PRKACB: variants seen among roughly 807,000 people sequenced by gnomAD.
The protein encoded by PRKACB is cAMP-dependent protein kinase catalytic subunit beta.
In PRKACB, 16 loss-of-function variants were observed where a neutral mutation model predicts 51.4. That is an observed-to-expected ratio of 0.31 (90% CI 0.21 to 0.47). The LOEUF is 0.47. PRKACB is among the 20% of genes least tolerant of loss of function. PRKACB has a pLI of 1.00. For missense variants in PRKACB, 309 were observed against 464.5 expected (o/e 0.67, Z 3.08); for synonymous variants, 147 against 154.4 (o/e 0.95, Z 0.35).
rs1156699063 is a variant in PRKACB, at chr1:84,214,246, A to C, written c.1000A>C (p.Asn334His). 1 of 1,613,672 alleles carries C rather than the reference A, an allele frequency of 6.2e-7. No individual in the cohort carries two copies. The highest frequency in any genetic ancestry group is 8.5e-7 in the Non-Finnish European group (1 of 1,179,802). Residue 334 changes from asparagine (N) to histidine (H), a missense_variant, in exon 9 of 10, where the codon AAT becomes CAT. Physicochemically the swap from Asn to His is moderately conservative, Grantham distance 68 (BLOSUM62 1). This residue lies in a region of PRKACB where 96 missense variants were observed against 129.9 expected (regional missense o/e 0.74). Coordinates refer to ENST00000370685, the MANE Select transcript of PRKACB (RefSeq NM_182948.4). Reference protein sequence around the residue: ...DLTKRFGNLKNGVSDIKTHKW... With the variant: ...DLTKRFGNLKHGVSDIKTHKW... The stretch of plus-strand genomic sequence containing the variant: ...GACCAAGAGATTTGGAAATCTAAAG[A>C]ATGGTGTCAGTGATATAAAAACTCA...
At chr1:84,227,233 T>A (rs1674765982) in intron 9 of PRKACB, among the ~76,000 whole-genome samples, 1 of 152,122 alleles carries the variant, frequency 6.6e-6, no homozygotes, top group Non-Finnish European at 1.5e-5. Flanking sequence ...TATCTATTCC[T>A]TATAAATTTT....
At chr1:84,198,863 A>C (rs1668973526) in intron 7 of PRKACB, among the ~76,000 whole-genome samples, 1 of 149,260 alleles carries the variant, frequency 6.7e-6, no homozygotes, top group African/African-American at 2.5e-5. Flanking sequence ...ATGTGTATAT[A>C]TATACACCAC....
At chr1:84,179,793 A>G (rs937049614) in intron 2 of PRKACB, among the ~76,000 whole-genome samples, 11 of 152,082 alleles carry the variant, frequency 7.2e-5, no homozygotes, top group Non-Finnish European at 1.2e-4. Context: ...ATGAATTTTA[A>G]TAGTAAATTA....
chr1:84,163,353 A>G (rs939757487), intron 1 of PRKACB, among the ~76,000 whole-genome samples: 1 of 152,000 alleles, frequency 6.6e-6, no homozygotes, highest in Non-Finnish European at 1.5e-5. Context: ...CATTTACCCC[A>G]TGCTATGTTT....
intron 1 of PRKACB, among the ~76,000 whole-genome samples, chr1:84,151,004 A>G (rs1654793339): frequency 1.3e-5 from 2 of 152,332 alleles, no homozygotes; most frequent in Admixed American, 6.5e-5. Flanking sequence ...TGATGGTTCA[A>G]TATAAGTATA....
intron 1 of PRKACB, among the ~76,000 whole-genome samples, chr1:84,135,967 T>C (rs1177899363): frequency 6.6e-6 from 1 of 151,794 alleles, no homozygotes; most frequent in Admixed American, 6.6e-5. Context: ...CTAAAAGTTA[T>C]TTGAAAAAAA....
Position 84,214,292 on chromosome 1 carries a change from A to G in PRKACB, c.1046A>G (p.Asp349Gly). The G allele has an allele frequency of 6.2e-7, 1 of 1,605,914 alleles. No homozygotes were observed. Among genetic ancestry groups the G allele is most frequent in the Non-Finnish European group, 8.5e-7 (1 of 1,177,050 alleles). ...IKTHKWFATT[D>G]WIAIYQRKVE... is the part of the protein sequence containing the mutation. ...ACTCACAAGTGGTTTGCCACGACAG[A>G]TTGGATTGCTATTTACCAGAGGAAG... Residue 349 changes from aspartate to glycine, a missense_variant, in exon 9 of 10, where the codon GAT (aspartate) becomes GGT (glycine). Physicochemically the swap from Asp to Gly is moderately conservative, Grantham distance 94. Transcript: ENST00000370685.
intron 5 of PRKACB, among the ~76,000 whole-genome samples, chr1:84,187,707 A>G (rs1444772432): frequency 6.6e-6 from 1 of 152,186 alleles, no homozygotes; most frequent in Non-Finnish European, 1.5e-5. Flanking sequence ...AAAATAATGT[A>G]CAGACTTACA....
chr1:84,206,919 G>A (rs1305415858), intron 8 of PRKACB, among the ~76,000 whole-genome samples: 1 of 152,092 alleles, frequency 6.6e-6, no homozygotes, highest in Non-Finnish European at 1.5e-5. Flanking sequence ...CACACATTCG[G>A]TTTCCTAAAT....
chr1:84,158,711 C>CT (rs1655819047), intron 1 of PRKACB, among the ~76,000 whole-genome samples: 1 of 151,950 alleles, frequency 6.6e-6, no homozygotes, highest in African/African-American at 2.4e-5. Flanking sequence ...TTGGATTGTA[C>CT]TTTTGGTACC....
intron 7 of PRKACB, among the ~76,000 whole-genome samples, chr1:84,200,962 T>C (rs924107549): frequency 6.6e-6 from 1 of 152,152 alleles, no homozygotes; most frequent in Non-Finnish European, 1.5e-5. Flanking sequence ...TCGTTGAGTG[T>C]TCAGGTTTTA....
At chr1:84,167,947 T>C (rs1658075156) in intron 1 of PRKACB, among the ~76,000 whole-genome samples, 1 of 151,582 alleles carries the variant, frequency 6.6e-6, no homozygotes, top group African/African-American at 2.4e-5. Flanking sequence ...GCCTTCACTT[T>C]CTAAATGTTT....
At chr1:84,150,801 T>C (rs1654766499) in intron 1 of PRKACB, among the ~76,000 whole-genome samples, 1 of 152,122 alleles carries the variant, frequency 6.6e-6, no homozygotes, top group Non-Finnish European at 1.5e-5. Flanking sequence ...TATTCTGCCT[T>C]AGGTATTTCT....
At chr1:84,121,267 C>T (rs1401000842) in intron 1 of PRKACB, among the ~76,000 whole-genome samples, 1 of 151,394 alleles carries the variant, frequency 6.6e-6, no homozygotes, top group African/African-American at 2.4e-5. Context: ...TTTTATGTCT[C>T]CTCTTTATAA....
chr1:84,187,669 CTAGTCTA>C (rs1665561854), intron 5 of PRKACB, among the ~76,000 whole-genome samples: 2 of 152,098 alleles, frequency 1.3e-5, no homozygotes, highest in South Asian at 4.1e-4. Context: ...AGGACCTTGT[CTAGTCTA>C]TAGGTAGATA....
chr1:84,121,072 G>T (rs1308693473), intron 1 of PRKACB, among the ~76,000 whole-genome samples: 1 of 151,908 alleles, frequency 6.6e-6, no homozygotes, highest in African/African-American at 2.4e-5. Context: ...TTACTATTTT[G>T]TGTCAATTGC....
chr1:84,083,063 T>C (rs1001471909), intron 1 of PRKACB, among the ~76,000 whole-genome samples: 2 of 152,214 alleles, frequency 1.3e-5, no homozygotes, highest in African/African-American at 4.8e-5. Context: ...AGAAATAAAA[T>C]TTTGTGATTT....
chr1:84,098,960 T>G (rs944612160), intron 1 of PRKACB, among the ~76,000 whole-genome samples: 1 of 151,988 alleles, frequency 6.6e-6, no homozygotes, highest in African/African-American at 2.4e-5. Context: ...AGTTGAGATC[T>G]TAAAAGAGAG....
intron 1 of PRKACB, among the ~76,000 whole-genome samples, chr1:84,150,961 A>C (rs1450874540): frequency 1.3e-5 from 2 of 152,222 alleles, no homozygotes; most frequent in African/African-American, 2.4e-5. Flanking sequence ...TATACTTGAC[A>C]AATAAAATTG....
Sources: gnomAD v4.1 joint callset for allele counts (sites outside exome capture counted in the v4.1 genomes callset) on GRCh38, gnomAD v4.1.1 for gene constraint, gnomAD v4.1.1 regional missense constraint, MANE v1.5 for transcripts, NCBI Gene and HGNC (gene_info 2026-07-23, HGNC 2026-07-21) for gene names.